Variants in FLNB observed in about 807,000 individuals in gnomAD.
FLNB encodes filamin-B.
FLNB carries 111 observed loss-of-function variants against 250.6 expected under a neutral mutation model. The ratio of observed to expected loss-of-function variants is 0.44; its 90% confidence interval spans 0.38 to 0.52. FLNB has a LOEUF of 0.52. Ranked by LOEUF, FLNB falls within the 20% of genes least tolerant of loss-of-function variation. The pLI is 0.00. For synonymous variants in FLNB, 1,302 were observed against 1,372.1 expected (o/e 0.95, Z 1.13); for missense variants, 2,869 against 3,447.8 (o/e 0.83, Z 4.20).
chr3:58,147,081 GCT>G, intron 34 of FLNB, 88 bp downstream of exon 34: 1 of 1,361,718 alleles, frequency 7.3e-7, no homozygotes, highest in Non-Finnish European at 1.0e-6. Flanking sequence ...CTGGCAGCAG[GCT>G]AGACGTCTCT....
At chr3:58,065,336 G>T (rs1424794467) in intron 1 of FLNB, among the ~76,000 whole-genome samples, 8 of 152,176 alleles carry the variant, frequency 5.3e-5, no homozygotes, top group Admixed American at 5.2e-4. Context: ...TCCAAAATGG[G>T]AGTCATAACT....
At chr3:58,031,324 G>T (rs2097130612) in intron 1 of FLNB, among the ~76,000 whole-genome samples, 1 of 151,770 alleles carries the variant, frequency 6.6e-6, no homozygotes, top group African/African-American at 2.4e-5. Flanking sequence ...CTCACTGCAA[G>T]CTCCGCCTCC....
At chr3:58,167,060 G>A (rs561115908) in intron 43 of FLNB, among the ~76,000 whole-genome samples, 6 of 151,462 alleles carry the variant, frequency 4.0e-5, no homozygotes, top group Admixed American at 6.6e-5. Flanking sequence ...CCTGGGAGGC[G>A]GAGGTTGCAA....
chr3:58,150,173 G>T lies in FLNB; in HGVS notation c.6313G>T (p.Ala2105Ser), dbSNP rs781332720. The T allele has an allele frequency of 1.2e-6, 2 of 1,614,242 alleles. No homozygotes were observed. Among genetic ancestry groups the T allele is most frequent in the East Asian group, 2.2e-5 (1 of 44,892 alleles). Residue 2105 changes from alanine to serine, a missense_variant, in exon 38 of 46, where the codon GCC (alanine) becomes TCC (serine). By Grantham distance (99) the Ala-to-Ser change is moderately conservative. This residue lies in a region of FLNB where 1,084 missense variants were observed against 1,315.5 expected (regional missense o/e 0.82). Coordinates refer to ENST00000295956, the MANE Select transcript of FLNB (RefSeq NM_001457.4). ...AGAGAGCATCACCCGCACCAGTCGGGCCCCGTCCGTGGCCACTGTCGGGAG... is the reference window on the plus strand; with the variant it reads ...AGAGAGCATCACCCGCACCAGTCGGTCCCCGTCCGTGGCCACTGTCGGGAG... ...VKESITRTSR[A>S]PSVATVGSIC...
intron 1 of FLNB, among the ~76,000 whole-genome samples, chr3:58,043,082 C>T (rs946706699): frequency 1.3e-5 from 2 of 148,632 alleles, no homozygotes; most frequent in South Asian, 2.2e-4. Flanking sequence ...GTTTTGAGAA[C>T]ATAAACCTTA....
At chr3:58,047,447 T>C (rs990397180) in intron 1 of FLNB, among the ~76,000 whole-genome samples, 6 of 152,182 alleles carry the variant, frequency 3.9e-5, no homozygotes, top group Admixed American at 3.9e-4. Flanking sequence ...CTCACTCTTA[T>C]AGATAGTATG....
chr3:58,100,818 C>T (rs545397832), intron 8 of FLNB, among the ~76,000 whole-genome samples: 31 of 151,860 alleles, frequency 2.0e-4, no homozygotes, highest in Middle Eastern at 3.4e-3. Context: ...AGGCTGGTCT[C>T]GAACTCCTGA....
intron 11 of FLNB, among the ~76,000 whole-genome samples, chr3:58,106,277 C>T (rs1230544247): frequency 6.6e-6 from 1 of 151,538 alleles, no homozygotes; most frequent in Non-Finnish European, 1.5e-5. Context: ...CATGTTGCCA[C>T]ATCTCCAACA....
chr3:58,116,702 G>A, intron 18 of FLNB, among the ~76,000 whole-genome samples: 1 of 152,182 alleles, frequency 6.6e-6, no homozygotes, highest in Non-Finnish European at 1.5e-5. Context: ...TTTTATAGAA[G>A]GGAAGTGATT....
chr3:58,107,930 C>G (rs772923444), intron 12 of FLNB, among the ~76,000 whole-genome samples: 1 of 152,210 alleles, frequency 6.6e-6, no homozygotes. Flanking sequence ...CTGGGCATGA[C>G]TAGAGGTCTC....
chr3:58,146,845 C>T lies in FLNB; in HGVS notation c.5580C>T (p.Gly1860=). ...GEGGLDLAIE[G]PSKAEISCID... is the part of the protein sequence containing the mutation. ...GTGGTCTGGACTTGGCTATTGAGGG[C>T]CCCTCAAAAGCAGAAATCAGCTGCA... Residue 1860 remains glycine, a synonymous_variant, in exon 34 of 46, where the codon GGC becomes GGT. Transcript: ENST00000295956. The T allele has an allele frequency of 6.2e-7, 1 of 1,614,152 alleles. No individual in the cohort carries two copies. The highest frequency in any genetic ancestry group is 1.3e-5 in the African/African-American group (1 of 75,032).
At chr3:58,111,947 C>T in intron 17 of FLNB, 66 bp downstream of exon 17, 1 of 1,373,566 alleles carries the variant, frequency 7.3e-7, no homozygotes, top group Non-Finnish European at 1.0e-6. Context: ...CGTGTTTCAT[C>T]CACGGCCTTG....
At chr3:58,071,117 A>AT (rs1415257245) in intron 1 of FLNB, among the ~76,000 whole-genome samples, 2 of 150,502 alleles carry the variant, frequency 1.3e-5, no homozygotes, top group Admixed American at 6.6e-5. Flanking sequence ...CACCTGACTA[A>AT]TTTTTTTTAT....
intron 1 of FLNB, among the ~76,000 whole-genome samples, chr3:58,056,109 T>A (rs13064497): frequency 0.36 from 44,195 of 124,024 alleles, 7,673 homozygotes; most frequent in Non-Finnish European, 0.41. Context: ...TTATTTATTT[T>A]TTTTTTTTTT....
chr3:58,122,272 A>C (rs7625646), intron 20 of FLNB, among the ~76,000 whole-genome samples: 110,592 of 151,788 alleles, frequency 0.73, 41,530 homozygotes, highest in East Asian at 1. Context: ...GTGGATGGAT[A>C]ACTTGAGGTC....
At chr3:58,062,951 C>A (rs919408833) in intron 1 of FLNB, among the ~76,000 whole-genome samples, 8 of 152,130 alleles carry the variant, frequency 5.3e-5, no homozygotes, top group Non-Finnish European at 1.2e-4. Context: ...GTTGTAGTAG[C>A]CCCCGTGAAT....
chr3:58,037,090 A>G (rs1192225024), intron 1 of FLNB, among the ~76,000 whole-genome samples: 4 of 127,560 alleles, frequency 3.1e-5, no homozygotes, highest in Non-Finnish European at 6.4e-5. Context: ...TTTTTGAGAC[A>G]GTCTCGCTCT....
intron 14 of FLNB, 58 bp from the exon 15 acceptor site, chr3:58,109,517 AG>A: frequency 6.2e-7 from 1 of 1,613,056 alleles, no homozygotes; most frequent in Non-Finnish European, 8.5e-7. Context: ...GTTTTTTAAT[AG>A]TATTTTACTG....
Position 58,142,171 on chromosome 3 carries a change from G to T in FLNB, c.5181+242G>T, listed in dbSNP as rs1037034216. 2.0e-5 allele frequency among the ~76,000 whole-genome samples: 3 copies of T among 152,154 alleles called. No homozygotes were observed. The highest frequency in any genetic ancestry group is 7.2e-5 in the African/African-American group (3 of 41,434). On this transcript the variant is annotated intron_variant, in intron 30 of 45. Coordinates refer to ENST00000295956, the MANE Select transcript of FLNB (RefSeq NM_001457.4). This position sits in a 1 kb window ranked among gnomAD's most constrained non-coding sequence, Gnocchi z 4.3. ...TCTGTGATCACGCTCGGTGCAGTTT[G>T]TCTCTGTGTTTAAAGAGAAAGACAG...
Sources: gnomAD v4.1 joint callset for allele counts (sites outside exome capture counted in the v4.1 genomes callset) on GRCh38, gnomAD v4.1.1 for gene constraint, gnomAD v4.1.1 regional missense constraint, Gnocchi (gnomAD v3.1) non-coding constraint, MANE v1.5 for transcripts, NCBI Gene and HGNC (gene_info 2026-07-23, HGNC 2026-07-21) for gene names.